The following GSTM2 variants were observed in gnomAD, a reference collection of about 807,000 sequenced individuals.
GSTM2 encodes glutathione S-transferase mu 2.
A neutral mutation model predicts 33.3 loss-of-function variants in GSTM2; 33 were observed. The observed-to-expected ratio is 0.99, with a 90% CI of 0.75 to 1.33. The LOEUF (loss-of-function observed/expected upper bound fraction) is 1.33, where lower values mean the gene tolerates loss of function less well. Among genes scored for constraint, GSTM2 ranks in the 40% most tolerant of loss-of-function variants. GSTM2 has a pLI of 0.00. For synonymous variants in GSTM2, 93 were observed against 95.6 expected (o/e 0.97, Z 0.16); for missense variants, 213 against 265.8 (o/e 0.80, Z 1.38).
chr1:109,673,206 T>A (rs757814979), intron 7 of GSTM2: 1 of 1,611,986 alleles, frequency 6.2e-7, no homozygotes. Flanking sequence ...GTTCCAGGTG[T>A]TCCCCCTGTG....
At chr1:109,672,719 C>T (rs1471371203) in intron 7 of GSTM2, among the ~76,000 whole-genome samples, 1 of 152,148 alleles carries the variant, frequency 6.6e-6, no homozygotes, top group African/African-American at 2.4e-5. Flanking sequence ...ACAGCTACAC[C>T]CAGAAACTTT....
At chr1:109,679,789 T>G (rs1189234629), downstream of GSTM2, among the ~76,000 whole-genome samples, 4 of 152,220 alleles carry the variant, frequency 2.6e-5, no homozygotes, top group East Asian at 7.7e-4. Context: ...GGCTAAGGGA[T>G]GCTCAGATGG....
intron 7 of GSTM2, among the ~76,000 whole-genome samples, chr1:109,671,968 C>G (rs145709816): frequency 1.1e-5 from 1 of 94,904 alleles, no homozygotes; most frequent in Non-Finnish European, 2.0e-5. Context: ...GTGACTCCAT[C>G]TCAAGAAAAA....
rs768622566 is a variant in GSTM2 at position 109,668,957 on chromosome 1, G to A, written c.145G>A (p.Glu49Lys). The change falls in exon 3 of 8, where the codon GAA becomes AAA. Residue 49 changes from glutamate to lysine, a missense_variant. Transcript: ENST00000241337. ...PDYDRSQWLN[E>K]KFKLGLDFPN... Reference sequence around the variant, plus strand: ...TTATGACAGAAGCCAGTGGCTGAATGAAAAATTCAAGCTGGGCCTGGACTT... The same window carrying A: ...TTATGACAGAAGCCAGTGGCTGAATAAAAAATTCAAGCTGGGCCTGGACTT... The A allele has an allele frequency of 1.9e-6, 3 of 1,612,306 alleles. No individual in the cohort carries two copies. Among genetic ancestry groups the A allele is most frequent in the Non-Finnish European group, 2.5e-6 (3 of 1,179,836 alleles).
chr1:109,671,493 C>T lies in GSTM2; in HGVS notation c.477C>T (p.Ile159=), dbSNP rs772580173. Residue 159 remains isoleucine, a synonymous_variant, in exon 7 of 8, where the codon ATC becomes ATT. Coordinates refer to ENST00000241337, the MANE Select transcript of GSTM2 (RefSeq NM_000848.4). ...LGDKITFVDF[I]AYDVLERNQV... is the part of the protein sequence containing the mutation. ...TCCAGATCACCTTTGTGGATTTCAT[C>T]GCTTATGATGTCCTTGAGAGAAACC... 7.4e-6 allele frequency: 12 copies of T among 1,612,066 alleles called. No homozygotes were observed. Among genetic ancestry groups the T allele is most frequent in the South Asian group, 3.3e-5 (3 of 91,056 alleles).
downstream of GSTM2, among the ~76,000 whole-genome samples, chr1:109,678,203 G>A (rs1044156150): frequency 2.6e-5 from 4 of 152,142 alleles, no homozygotes; most frequent in Admixed American, 2.6e-4. Flanking sequence ...GGAGCACAGT[G>A]GTGCAATCTC....
rs897822970 is a variant in GSTM2 at position 109,671,142 on chromosome 1, C to T, written c.361-145C>T. ...GTCTAATAAATGCTGATGTATCCAG[C>T]TGAAGCCTGGACAGTGACCCAGTTC... On this transcript the variant is annotated intron_variant, in intron 5 of 7. Transcript: ENST00000241337. The T allele has an allele frequency of 1.1e-4, 72 of 671,044 alleles. 1 individual carries two copies. The African/African-American group carries it at 1.2e-3, about 12-fold the overall frequency. The allele number at this position is 671,044 out of a possible 1,614,324, so 41.6% of individuals were successfully genotyped here.
chr1:109,668,627 A>G, intron 2 of GSTM2, 127 bp downstream of exon 2: 3 of 1,120,936 alleles, frequency 2.7e-6, no homozygotes, highest in Non-Finnish European at 2.7e-6. Context: ...CCCTTCCCTG[A>G]GCCCTGGTGA....
chr1:109,671,310 G>A lies in GSTM2; in HGVS notation c.384G>A (p.Leu128=). The A allele has an allele frequency of 6.2e-7, 1 of 1,613,768 alleles. No individual in the cohort carries two copies. Among genetic ancestry groups the A allele is most frequent in the East Asian group, 2.2e-5 (1 of 44,882 alleles). Residue 128 remains leucine (L), a synonymous_variant, in exon 6 of 8, where the codon CTG becomes CTA. Transcript: ENST00000241337. ...AGGAGAAACTGAAACCAGAATACCT[G>A]CAGGCACTCCCTGAAATGCTGAAGC... is the stretch of plus-strand genomic sequence containing the variant. ...PDFEKLKPEY[L]QALPEMLKLY...
At position 109,673,174 on chromosome 1, in the gene GSTM2, C is replaced by T. The variant is rs767112561; in HGVS notation, c.568-1573C>T. ...CGTGAGCCACCGCGCCTGGCCTCTT[C>T]CTCTCTTTTTTTCCCTCCAATGTTC... On this transcript the variant is annotated intron_variant, in intron 7 of 7. Transcript: ENST00000241337. 3.7e-4 allele frequency: 598 copies of T among 1,609,894 alleles called. 1 individual carries two copies. The highest frequency in any genetic ancestry group is 4.8e-4 in the Non-Finnish European group (567 of 1,179,336).
intron 7 of GSTM2, among the ~76,000 whole-genome samples, chr1:109,672,204 T>C (rs1202162362): frequency 2.0e-5 from 3 of 151,672 alleles, no homozygotes; most frequent in Non-Finnish European, 4.4e-5. Context: ...CTCTTGAACC[T>C]GGGAGGCGGA....
In GSTM2 at chr1:109,668,484, G is replaced by A; in HGVS notation, c.96G>A (p.Lys32=). ...CAGACTCAAGCTACGAGGAAAAGAA[G>A]TACACGATGGGGGACGGTAATGGCA... ...EYTDSSYEEK[K]YTMGDAPDYD... The change falls in exon 2 of 8, where the codon AAG becomes AAA. Residue 32 remains lysine, a synonymous_variant. Coordinates refer to ENST00000241337, the MANE Select transcript of GSTM2 (RefSeq NM_000848.4). The A allele has an allele frequency of 6.2e-7, 1 of 1,614,192 alleles. No individual in the cohort carries two copies. The highest frequency in any genetic ancestry group is 1.1e-5 in the South Asian group (1 of 91,086).
At chr1:109,672,139 G>A (rs1219343325) in intron 7 of GSTM2, among the ~76,000 whole-genome samples, 1 of 151,896 alleles carries the variant, frequency 6.6e-6, no homozygotes, top group Non-Finnish European at 1.5e-5. Flanking sequence ...AATTAGCTGG[G>A]CGTGGTGGCA....
downstream of GSTM2, among the ~76,000 whole-genome samples, chr1:109,680,231 T>G (rs1328632428): frequency 1.3e-5 from 2 of 151,394 alleles, no homozygotes; most frequent in Non-Finnish European, 2.9e-5. Context: ...CAGGCTTATC[T>G]TAGTGGTGTC....
intron 7 of GSTM2, chr1:109,673,520 T>A (rs1647616764): frequency 4.6e-6 from 2 of 438,954 alleles, no homozygotes; most frequent in South Asian, 4.3e-5. Flanking sequence ...CCATCAGCTC[T>A]GGTTCTGCGG....
chr1:109,671,150 T>TG, intron 5 of GSTM2, 137 bp from the exon 6 acceptor site: 1 of 694,388 alleles, frequency 1.4e-6, no homozygotes, highest in Non-Finnish European at 2.7e-6. Context: ...AGCTGAAGCC[T>TG]GGACAGTGAC....
At chr1:109,672,860 CTCTACCTCT>C (rs1647595480) in intron 7 of GSTM2, among the ~76,000 whole-genome samples, 1 of 146,692 alleles carries the variant, frequency 6.8e-6, no homozygotes, top group South Asian at 2.2e-4. Flanking sequence ...CACTTTCCTT[CTCTACCTCT>C]TTTTTTTTTT....
downstream of GSTM2, among the ~76,000 whole-genome samples, chr1:109,678,772 A>C (rs912969972): frequency 1.1e-4 from 16 of 151,974 alleles, no homozygotes; most frequent in African/African-American, 2.7e-4. Flanking sequence ...AAAAAAAAAA[A>C]AAACAAACTG....
rs547249006 is a variant in GSTM2, at chr1:109,682,407, A to AT, written c.567+10830dup. Among the ~76,000 whole-genome samples, 288 of 62,618 alleles carry AT rather than the reference A, an allele frequency of 4.6e-3. 11 individuals are homozygous for AT. The highest frequency in any genetic ancestry group is 0.012 in the African/African-American group (274 of 23,154). 41.1% of individuals were successfully genotyped at this position (62,618 alleles called of 152,430 possible). On this transcript the variant is annotated intron_variant, in intron 7 of 7. Coordinates refer to the GSTM2 transcript ENST00000369831. Reference sequence around the variant, plus strand: ...AGGTGTCTGCCACCACGCCCAGCTAATTTTTTGTATTGTCAGTGGAGACAG... The same window carrying AT: ...AGGTGTCTGCCACCACGCCCAGCTAATTTTTTTGTATTGTCAGTGGAGACAG...
Sources: allele counts gnomAD v4.1 joint callset (sites outside exome capture counted in the v4.1 genomes callset), GRCh38; gene constraint gnomAD v4.1.1; transcripts MANE v1.5; gene names NCBI Gene and HGNC (gene_info 2026-07-23, HGNC 2026-07-21).